The following ATF7 variants were observed in gnomAD, a reference collection of about 807,000 sequenced individuals.
ATF7 encodes activating transcription factor 7.
ATF7 carries 10 observed loss-of-function variants against 50.4 expected under a neutral mutation model. The ratio of observed to expected loss-of-function variants is 0.20; its 90% CI spans 0.12 to 0.34. The LOEUF is 0.34. Ranked by LOEUF, ATF7 falls within the 10% of genes least tolerant of loss-of-function variation. The probability of loss-of-function intolerance (pLI) is 1.00; values close to 1 mark genes in which losing one functional copy is unlikely to be tolerated. For synonymous variants in ATF7, 201 were observed against 226.4 expected (o/e 0.89, Z 1.01); for missense variants, 465 against 613.9 (o/e 0.76, Z 2.56).
In ATF7 at chr12:53,517,161, TGGGG is replaced by T; in HGVS notation, c.1424_1427del (p.Thr475AsnfsTer52). The stretch of plus-strand genomic sequence containing the variant: ...ATCATCTGCCCGCAGACTGGGACTG[TGGGG>T]TCATGATTACATGCGATTGTATCGG... On this transcript the variant is annotated frameshift_variant, in exon 12 of 12. Transcript: ENST00000420353. LOFTEE classifies it high-confidence loss of function. 6.2e-7 allele frequency: 1 copy of T among 1,613,154 alleles called. No individual in the cohort carries two copies. Among genetic ancestry groups the T allele is most frequent in the Non-Finnish European group, 8.5e-7 (1 of 1,179,882 alleles).
intron 3 of ATF7, among the ~76,000 whole-genome samples, chr12:53,551,438 A>C (rs189319801): frequency 2.5e-4 from 38 of 152,322 alleles, no homozygotes; most frequent in Middle Eastern, 3.4e-3. Context: ...TTGGGATTAC[A>C]GGCATGAGCC....
chr12:53,566,305 A>G (rs577682913), intron 2 of ATF7, among the ~76,000 whole-genome samples: 1 of 152,328 alleles, frequency 6.6e-6, no homozygotes, highest in South Asian at 2.1e-4. Flanking sequence ...GTGAAAGGGA[A>G]GGGGCAATAG....
At chr12:53,556,377 G>A (rs752467506) in intron 2 of ATF7, among the ~76,000 whole-genome samples, 3 of 152,196 alleles carry the variant, frequency 2.0e-5, no homozygotes, top group East Asian at 3.8e-4. Context: ...TCGCTTGAGC[G>A]CAGGAGTTTG....
intron 4 of ATF7, 149 bp from the exon 5 acceptor site, chr12:53,537,701 C>A: frequency 2.1e-6 from 2 of 951,286 alleles, no homozygotes; most frequent in Non-Finnish European, 1.5e-6. Context: ...TAAATGTGGG[C>A]CCCTTATGTT....
At chr12:53,576,576 T>G (rs767717178) in intron 2 of ATF7, among the ~76,000 whole-genome samples, 1 of 152,154 alleles carries the variant, frequency 6.6e-6, no homozygotes, top group Non-Finnish European at 1.5e-5. Context: ...CTCTGGAGGA[T>G]GCTATGTCAA....
At chr12:53,547,756 T>C (rs982149013) in intron 3 of ATF7, among the ~76,000 whole-genome samples, 9 of 62,488 alleles carry the variant, frequency 1.4e-4, no homozygotes, top group Admixed American at 2.8e-4. Flanking sequence ...TTTATGTATG[T>C]ATGTATGTAT....
chr12:53,621,482 G>A (rs1944375508), intron 1 of ATF7, among the ~76,000 whole-genome samples: 1 of 152,086 alleles, frequency 6.6e-6, no homozygotes, highest in Non-Finnish European at 1.5e-5. Flanking sequence ...ATGTAAAGTT[G>A]TCAAAAAATC....
chr12:53,614,555 T>A (rs1162861104), intron 1 of ATF7, among the ~76,000 whole-genome samples: 1 of 152,326 alleles, frequency 6.6e-6, no homozygotes, highest in African/African-American at 2.4e-5. Context: ...TATTAAAGTA[T>A]AAGATTGGTT....
intron 3 of ATF7, among the ~76,000 whole-genome samples, chr12:53,544,342 T>G (rs377160224): frequency 1.3e-5 from 2 of 152,210 alleles, no homozygotes; most frequent in African/African-American, 4.8e-5. Flanking sequence ...ATGGGTTTCA[T>G]TGGCATGCTA....
At position 53,524,376 on chromosome 12, in the gene ATF7, GGTGA is replaced by G. The variant is rs1158829071; in HGVS notation, c.1125+184_1125+187del. Among the ~76,000 whole-genome samples the G allele has an allele frequency of 6.6e-6, 1 of 152,132 alleles. No individual in the cohort carries two copies. Among genetic ancestry groups the G allele is most frequent in the Non-Finnish European group, 1.5e-5 (1 of 68,022 alleles). On this transcript the variant is annotated intron_variant, in intron 10 of 11. Coordinates refer to ENST00000420353, the MANE Select transcript of ATF7 (RefSeq NM_006856.3). This position sits in a 1 kb window ranked among gnomAD's most constrained non-coding sequence, Gnocchi z 4.6. The stretch of plus-strand genomic sequence containing the variant: ...TCTAATAGGAGATTTGGGGGTAGAT[GGTGA>G]GTGTCTTCACCAATACCTATGAAAG...
chr12:53,539,352 G>C (rs374591213), intron 4 of ATF7, among the ~76,000 whole-genome samples: 3 of 152,204 alleles, frequency 2.0e-5, no homozygotes, highest in East Asian at 3.8e-4. Context: ...GCCAAGGTGG[G>C]AGGATCACCT....
Position 53,543,437 on chromosome 12 carries a change from TA to T in ATF7, c.156del (p.Thr53LeufsTer6). 1 of 1,595,224 alleles carries T rather than the reference TA, an allele frequency of 6.3e-7. No individual in the cohort carries two copies. The highest frequency in any genetic ancestry group is 1.8e-5 in the Admixed American group (1 of 57,032). On this transcript the variant is annotated frameshift_variant, in exon 4 of 12. Coordinates refer to ENST00000420353, the MANE Select transcript of ATF7 (RefSeq NM_006856.3). LOFTEE classifies it high-confidence loss of function. Reference protein sequence around the residue: ...TDSVIIADQTPTPTRFLKNCE... With the variant: ...TDSVIIADQTXTPTRFLKNCE... Reference sequence around the variant, plus strand: ...CAGTTCTTCAGGAATCTAGTTGGAGTAGGCGTTTGATCTGTAGACATGAAAG... The same window carrying T: ...CAGTTCTTCAGGAATCTAGTTGGAGTGGCGTTTGATCTGTAGACATGAAAG...
chr12:53,536,192 T>C (rs960745708), intron 5 of ATF7, among the ~76,000 whole-genome samples: 13 of 152,208 alleles, frequency 8.5e-5, no homozygotes, highest in African/African-American at 2.9e-4. Flanking sequence ...TTGAATTTTA[T>C]AAGTATGTAC....
intron 2 of ATF7, among the ~76,000 whole-genome samples, chr12:53,559,033 A>T (rs918414680): frequency 6.6e-6 from 1 of 150,876 alleles, no homozygotes; most frequent in African/African-American, 2.4e-5. Flanking sequence ...TGTAACCCCA[A>T]CACTCTGGGA....
At chr12:53,613,595 A>G (rs1943988432) in intron 1 of ATF7, among the ~76,000 whole-genome samples, 1 of 152,060 alleles carries the variant, frequency 6.6e-6, no homozygotes, top group Admixed American at 6.6e-5. Context: ...ATCTCAGCTC[A>G]TTGCAACCTC....
chr12:53,546,473 C>CAG (rs34955495), intron 3 of ATF7, among the ~76,000 whole-genome samples: 81,740 of 148,992 alleles, frequency 0.55, 23,164 homozygotes, highest in East Asian at 0.96. Context: ...TTTTTTGAGA[C>CAG]AGTCTTGCTT....
chr12:53,543,050 T>A (rs536212037), intron 4 of ATF7: 252 of 1,300,918 alleles, frequency 1.9e-4, no homozygotes, highest in Admixed American at 1.0e-3. Flanking sequence ...ATTTATAATA[T>A]AAATATTTTT....
intron 6 of ATF7, among the ~76,000 whole-genome samples, chr12:53,534,276 CA>C (rs1165947231): frequency 5.9e-5 from 9 of 151,480 alleles, no homozygotes; most frequent in Non-Finnish European, 1.2e-4. Flanking sequence ...GCCTCTATCT[CA>C]AAAAAACCCA....
At chr12:53,539,993 C>G (rs1352447036) in intron 4 of ATF7, among the ~76,000 whole-genome samples, 1 of 151,746 alleles carries the variant, frequency 6.6e-6, no homozygotes, top group Non-Finnish European at 1.5e-5. Flanking sequence ...TCACTTGAGC[C>G]TGGGAGTTTG....
Sources: allele counts gnomAD v4.1 joint callset (sites outside exome capture counted in the v4.1 genomes callset), GRCh38; gene constraint gnomAD v4.1.1; non-coding constraint Gnocchi (gnomAD v3.1); transcripts MANE v1.5; gene names NCBI Gene and HGNC (gene_info 2026-07-23, HGNC 2026-07-21).